The following MOB3B variants were observed in gnomAD, a reference collection of about 807,000 sequenced individuals.
The protein encoded by MOB3B is MOB kinase activator-like 2B.
In MOB3B, 7 loss-of-function variants were observed where a neutral mutation model predicts 18.7. The ratio of observed to expected loss-of-function variants is 0.37; its 90% CI spans 0.21 to 0.70. The LOEUF is 0.70. Among genes scored for constraint, MOB3B ranks in the 30% least tolerant of loss-of-function variants. The pLI, the probability that MOB3B is intolerant of heterozygous loss-of-function variation, is 0.52. For missense variants in MOB3B, 253 were observed against 281.3 expected (o/e 0.90, Z 0.72); for synonymous variants, 111 against 99.9 (o/e 1.11, Z -0.66).
At chr9:27,436,974 A>C (rs957109210) in intron 2 of MOB3B, among the ~76,000 whole-genome samples, 4 of 76,234 alleles carry the variant, frequency 5.2e-5, no homozygotes, top group African/African-American at 2.1e-4. Flanking sequence ...GGGGAAAGGG[A>C]GTAGGGGGAA....
chr9:27,488,149 A>T (rs557069447), intron 1 of MOB3B, among the ~76,000 whole-genome samples: 1 of 152,288 alleles, frequency 6.6e-6, no homozygotes, highest in Admixed American at 6.5e-5. Flanking sequence ...AAGTCTGCAA[A>T]CAACTAGCTG....
At chr9:27,516,156 C>G (rs761726041) in intron 1 of MOB3B, among the ~76,000 whole-genome samples, 10 of 152,176 alleles carry the variant, frequency 6.6e-5, no homozygotes, top group Non-Finnish European at 1.3e-4. Flanking sequence ...TTGGCAGAAG[C>G]ATTATCATGA....
chr9:27,529,647 G>A lies in MOB3B; in HGVS notation c.-291C>T, dbSNP rs1282678394. ...AAAGAAAATGGTGAGCTCGGGGCAG[G>A]TGGGGCGTCGCTTGCCAATCCACGC... is the stretch of plus-strand genomic sequence containing the variant. On this transcript the variant is annotated 5_prime_UTR_variant, in exon 1 of 4. Coordinates refer to ENST00000262244, the MANE Select transcript of MOB3B (RefSeq NM_024761.5). 1.0e-6 allele frequency: 1 copy of A among 985,418 alleles called. No individual in the cohort carries two copies. Among genetic ancestry groups the A allele is most frequent in the Non-Finnish European group, 1.2e-6 (1 of 830,008 alleles). 61.0% of individuals were successfully genotyped at this position (985,418 alleles called of 1,614,324 possible). A position where few individuals can be genotyped will look rare whatever the true frequency, so the allele number is the denominator to read the frequency against.
intron 1 of MOB3B, among the ~76,000 whole-genome samples, chr9:27,522,597 T>G (rs2131508928): frequency 6.6e-6 from 1 of 152,002 alleles, no homozygotes; most frequent in African/African-American, 2.4e-5. Flanking sequence ...ACTGATGGCT[T>G]ACTTAACTAA....
intron 3 of MOB3B, among the ~76,000 whole-genome samples, chr9:27,348,602 G>A (rs1332950078): frequency 2.0e-5 from 3 of 151,886 alleles, no homozygotes; most frequent in Non-Finnish European, 2.9e-5. Flanking sequence ...GCAGTGAGCC[G>A]AGATCATGCC....
intron 1 of MOB3B, among the ~76,000 whole-genome samples, chr9:27,468,110 C>T (rs563872083): frequency 6.6e-6 from 1 of 152,288 alleles, no homozygotes; most frequent in South Asian, 2.1e-4. Context: ...TACTCATCTG[C>T]AGAAAGTCTG....
intron 1 of MOB3B, among the ~76,000 whole-genome samples, chr9:27,488,028 G>A: frequency 6.6e-6 from 1 of 152,228 alleles, no homozygotes; most frequent in East Asian, 1.9e-4. Flanking sequence ...AGGTCTGCCA[G>A]TATGCAGACT....
chr9:27,383,820 G>A lies in MOB3B; in HGVS notation c.419-24584C>T, dbSNP rs146466811. Among the ~76,000 whole-genome samples, 905 of 152,202 alleles carry A rather than the reference G, an allele frequency of 5.9e-3. 3 individuals are homozygous for A. The highest frequency in any genetic ancestry group is 9.3e-3 in the Non-Finnish European group (630 of 67,998). On this transcript the variant is annotated intron_variant, in intron 2 of 3. Transcript: ENST00000262244. ...AAACATAGTGGGTACTTATTAAATG[G>A]TTGCAATTACCTTACCTATGTTGGC... is the stretch of plus-strand genomic sequence containing the variant.
intron 1 of MOB3B, among the ~76,000 whole-genome samples, chr9:27,470,231 A>G (rs1038948200): frequency 2.6e-5 from 4 of 152,148 alleles, no homozygotes; most frequent in African/African-American, 9.7e-5. Context: ...TTTTAAAGCA[A>G]CATAGCTCCT....
At position 27,330,521 on chromosome 9, in the gene MOB3B, C is replaced by A; in HGVS notation, c.*66G>T. On this transcript the variant is annotated 3_prime_UTR_variant, in exon 4 of 4. Coordinates refer to ENST00000262244, the MANE Select transcript of MOB3B (RefSeq NM_024761.5). ...GTGTCATTTCAGCCAGGGTGGTCCA[C>A]CTCCTGCCCGCTCAGGGCACCAGGA... 1 of 1,610,274 alleles carries A rather than the reference C, an allele frequency of 6.2e-7. No individual in the cohort carries two copies. Among genetic ancestry groups the A allele is most frequent in the South Asian group, 1.1e-5 (1 of 90,224 alleles).
chr9:27,326,830 A>C lies in MOB3B; in HGVS notation c.*3757T>G, dbSNP rs992641376. 2 of 362,290 alleles carry C rather than the reference A, an allele frequency of 5.5e-6. No homozygotes were observed. Among genetic ancestry groups the C allele is most frequent in the African/African-American group, 4.2e-5 (2 of 47,822 alleles). 22.4% of individuals were successfully genotyped at this position (362,290 alleles called of 1,614,324 possible). A position where few individuals can be genotyped will look rare whatever the true frequency, so the allele number is the denominator to read the frequency against. On this transcript the variant is annotated 3_prime_UTR_variant, in exon 4 of 4. Transcript: ENST00000262244. Reference sequence around the variant, plus strand: ...TCTCTCCCTTGCACCATCACCATGAAATTTTAATACCACATAAATACTTTG... The same window carrying C: ...TCTCTCCCTTGCACCATCACCATGACATTTTAATACCACATAAATACTTTG...
intron 2 of MOB3B, among the ~76,000 whole-genome samples, chr9:27,452,197 C>T (rs1240917801): frequency 2.0e-5 from 3 of 150,084 alleles, no homozygotes; most frequent in African/African-American, 7.4e-5. Flanking sequence ...AACATCCATC[C>T]ACCCACCCGT....
At chr9:27,528,992 G>A (rs1039436305) in intron 1 of MOB3B, among the ~76,000 whole-genome samples, 1 of 152,176 alleles carries the variant, frequency 6.6e-6, no homozygotes, top group African/African-American at 2.4e-5. Flanking sequence ...GATTTGTACG[G>A]CCTTTACACG....
chr9:27,490,205 A>G (rs993508954), intron 1 of MOB3B, among the ~76,000 whole-genome samples: 4 of 152,164 alleles, frequency 2.6e-5, no homozygotes, highest in Non-Finnish European at 5.9e-5. Context: ...ACTAAGGCTC[A>G]TGCCTTCAGT....
intron 3 of MOB3B, among the ~76,000 whole-genome samples, chr9:27,345,344 G>C (rs539585417): frequency 2.0e-5 from 3 of 152,070 alleles, no homozygotes; most frequent in African/African-American, 7.2e-5. Flanking sequence ...TGATCCCTAA[G>C]CAAACTGTAC....
In MOB3B at chr9:27,325,621, AAC is replaced by A. The variant is rs1820699157; in HGVS notation, c.*4964_*4965del. On this transcript the variant is annotated 3_prime_UTR_variant, in exon 4 of 4. Coordinates refer to ENST00000262244, the MANE Select transcript of MOB3B (RefSeq NM_024761.5). ...GGCAGGAAAACAATCATTATTTCCA[AAC>A]ACACTTTGTTTGTCTAATTCTAGGA... is the stretch of plus-strand genomic sequence containing the variant. 1 of 152,226 alleles carries A rather than the reference AAC, an allele frequency of 6.6e-6. No individual in the cohort carries two copies. The highest frequency in any genetic ancestry group is 2.4e-5 in the African/African-American group (1 of 41,456). 9.4% of individuals were successfully genotyped at this position (152,226 alleles called of 1,614,324 possible).
chr9:27,428,336 T>C (rs1227913900), intron 2 of MOB3B, among the ~76,000 whole-genome samples: 1 of 152,162 alleles, frequency 6.6e-6, no homozygotes, highest in Non-Finnish European at 1.5e-5. Context: ...GAGGCCAAAG[T>C]TCTGCATTTT....
At chr9:27,440,459 T>C (rs552631185) in intron 2 of MOB3B, among the ~76,000 whole-genome samples, 1 of 152,238 alleles carries the variant, frequency 6.6e-6, no homozygotes, top group African/African-American at 2.4e-5. Flanking sequence ...TAAGAATACG[T>C]ATCAATGGAT....
chr9:27,451,782 T>A (rs75994394), intron 2 of MOB3B, among the ~76,000 whole-genome samples: 5,816 of 152,264 alleles, frequency 0.038, 128 homozygotes, highest in Non-Finnish European at 0.052. Context: ...ACAGACATCT[T>A]GATTATCTCC....
Sources: allele counts gnomAD v4.1 joint callset (sites outside exome capture counted in the v4.1 genomes callset), GRCh38; gene constraint gnomAD v4.1.1; transcripts MANE v1.5; gene names NCBI Gene and HGNC (gene_info 2026-07-23, HGNC 2026-07-21).